KLF8: variants seen among roughly 807,000 people sequenced by gnomAD.
KLF8 encodes the protein KLF transcription factor 8.
Under a neutral mutation model 18.2 loss-of-function variants are expected in KLF8, and 10 were observed. That is an observed-to-expected ratio of 0.55 (90% CI 0.34 to 0.93). The LOEUF (loss-of-function observed/expected upper bound fraction) is 0.93, where lower values mean the gene tolerates loss of function less well. Ranked by LOEUF, KLF8 falls within the 40% of genes least tolerant of loss-of-function variation. The pLI is 0.02. For synonymous variants in KLF8, 109 were observed against 97.3 expected, an observed-to-expected ratio of 1.12 and a Z score of -0.71; for missense variants, 264 against 277.9, an observed-to-expected ratio of 0.95 and a Z score of 0.36.
chrX:55,972,223 T>C, the KLF8 span, among the ~76,000 whole-genome samples: 1 of 111,591 alleles, frequency 9.0e-6, no homozygotes, highest in Non-Finnish European at 1.9e-5. Flanking sequence ...AAAAGTCTTG[T>C]CGTTGGCAAT....
At chrX:56,063,804 C>G in the KLF8 span, among the ~76,000 whole-genome samples, 1 of 110,883 alleles carries the variant, frequency 9.0e-6, no homozygotes, top group Non-Finnish European at 1.9e-5. Context: ...GGAGTTTTAT[C>G]TGTAAGTCCC....
At chrX:55,919,766 C>T in the KLF8 span, among the ~76,000 whole-genome samples, 16 of 111,707 alleles carry the variant, frequency 1.4e-4, no homozygotes, top group Non-Finnish European at 1.9e-5. Flanking sequence ...TCTCTGCCCC[C>T]ACCTGGTGGT....
At chrX:56,190,287 T>G in the KLF8 span, among the ~76,000 whole-genome samples, 5 of 110,616 alleles carry the variant, frequency 4.5e-5, no homozygotes. Flanking sequence ...TATATAACAA[T>G]TGTAAATATA....
chrX:55,977,757 T>A, the KLF8 span, among the ~76,000 whole-genome samples: 4 of 111,607 alleles, frequency 3.6e-5, no homozygotes, highest in Non-Finnish European at 7.5e-5. Flanking sequence ...TTATTTGATT[T>A]ATGTTTTAAG....
At chrX:55,926,859 A>C in the KLF8 span, among the ~76,000 whole-genome samples, 1 of 110,388 alleles carries the variant, frequency 9.1e-6, no homozygotes, top group Non-Finnish European at 1.9e-5. Context: ...GAAGCTTCCA[A>C]AGCCAGATCA....
At chrX:56,054,227 C>G in the KLF8 span, among the ~76,000 whole-genome samples, 3 of 111,233 alleles carry the variant, frequency 2.7e-5, no homozygotes, top group African/African-American at 9.8e-5. Flanking sequence ...GCAATTAGTG[C>G]TATGAATTTT....
At chrX:55,914,162 C>A in the KLF8 span, among the ~76,000 whole-genome samples, 2 of 111,804 alleles carry the variant, frequency 1.8e-5, no homozygotes, top group Non-Finnish European at 3.8e-5. Context: ...CAAATATGAT[C>A]TGCAGCTTTG....
At chrX:55,939,177 C>A in the KLF8 span, among the ~76,000 whole-genome samples, 2 of 112,051 alleles carry the variant, frequency 1.8e-5, no homozygotes, top group African/African-American at 6.5e-5. Context: ...CAAACTGTCT[C>A]TCAGACCACA....
In KLF8 at chrX:56,286,191, C is replaced by T. The variant is rs1169816970; in HGVS notation, c.*1697C>T. On this transcript the variant is annotated 3_prime_UTR_variant, in exon 6 of 6. Coordinates refer to ENST00000468660, the MANE Select transcript of KLF8 (RefSeq NM_007250.5). ...TTTTTGAGAGACGGTTTCACTCCAT[C>T]ACCCAGGCTGGAGTGCAGTGGCGTA... The T allele has an allele frequency of 9.0e-6, 1 of 111,445 alleles. No individual in the cohort carries two copies. The highest frequency in any genetic ancestry group is 1.9e-5 in the Non-Finnish European group (1 of 53,085). The allele number at this position is 111,445 out of a possible 1,213,427, so 9.2% of individuals were successfully genotyped here.
chrX:56,166,077 C>T, the KLF8 span, among the ~76,000 whole-genome samples: 1 of 109,541 alleles, frequency 9.1e-6, no homozygotes, highest in Non-Finnish European at 1.9e-5. Flanking sequence ...AGTAAAACAG[C>T]ATTCAATAAA....
At chrX:56,071,357 T>C in the KLF8 span, among the ~76,000 whole-genome samples, 1 of 111,763 alleles carries the variant, frequency 8.9e-6, no homozygotes, top group African/African-American at 3.2e-5. Flanking sequence ...AAATGAGCTC[T>C]TTTATTTTCT....
the KLF8 span, among the ~76,000 whole-genome samples, chrX:56,108,490 A>G: frequency 1.3e-3 from 142 of 112,015 alleles, no homozygotes; most frequent in African/African-American, 4.4e-3. Flanking sequence ...GTATGTGTAT[A>G]TATGTGGTAT....
the KLF8 span, among the ~76,000 whole-genome samples, chrX:56,169,734 T>C: frequency 8.9e-6 from 1 of 111,893 alleles, no homozygotes; most frequent in African/African-American, 3.2e-5. Context: ...CTGCATGGCA[T>C]CTCTGGACCC....
At chrX:56,189,677 A>G in the KLF8 span, among the ~76,000 whole-genome samples, 1 of 110,451 alleles carries the variant, frequency 9.1e-6, no homozygotes, top group African/African-American at 3.3e-5. Context: ...ACACCATGGA[A>G]TACTATGCAG....
the KLF8 span, among the ~76,000 whole-genome samples, chrX:55,994,380 ATT>A: frequency 9.2e-6 from 1 of 108,931 alleles, no homozygotes; most frequent in African/African-American, 3.4e-5. Flanking sequence ...ACAACTTTTC[ATT>A]TTGTTGATTG....
At chrX:56,130,327 A>T in the KLF8 span, among the ~76,000 whole-genome samples, 1 of 111,238 alleles carries the variant, frequency 9.0e-6, no homozygotes, top group Non-Finnish European at 1.9e-5. Context: ...ACATCAAAGC[A>T]CTCTGTGCAG....
At chrX:56,151,177 G>A in the KLF8 span, among the ~76,000 whole-genome samples, 1 of 111,699 alleles carries the variant, frequency 9.0e-6, no homozygotes, top group Non-Finnish European at 1.9e-5. Context: ...AACAGTGTAG[G>A]GATTTGTATG....
At chrX:56,030,266 A>G in the KLF8 span, among the ~76,000 whole-genome samples, 6 of 111,124 alleles carry the variant, frequency 5.4e-5, no homozygotes, top group South Asian at 7.6e-4. Flanking sequence ...GATCCCATTG[A>G]GGGTCCATTC....
the KLF8 span, among the ~76,000 whole-genome samples, chrX:56,158,372 A>T: frequency 1.8e-4 from 20 of 111,717 alleles, no homozygotes; most frequent in South Asian, 7.4e-3. Context: ...TGGCAACGCG[A>T]GCTCTTTTTT....
Sources: gnomAD v4.1 joint callset for allele counts (sites outside exome capture counted in the v4.1 genomes callset) on GRCh38, gnomAD v4.1.1 for gene constraint, MANE v1.5 for transcripts, NCBI Gene and HGNC (gene_info 2026-07-23, HGNC 2026-07-21) for gene names.